The following MICAL2 variants were observed in gnomAD, a reference collection of about 807,000 sequenced individuals.
MICAL2 encodes microtubule associated monooxygenase, calponin and LIM domain containing 2, also known as [F-actin]-monooxygenase MICAL2.
A neutral mutation model predicts 127.3 loss-of-function variants in MICAL2; 77 were observed. The observed-to-expected ratio is 0.60, with a 90% CI of 0.50 to 0.73. MICAL2 has a LOEUF of 0.73. MICAL2 is among the 30% of genes least tolerant of loss of function. MICAL2 has a pLI of 0.00. For missense variants in MICAL2, 1,351 were observed against 1,434.4 expected (o/e 0.94, Z 0.94); for synonymous variants, 570 against 551.1 (o/e 1.03, Z -0.48).
rs1420037870 is a variant in MICAL2, at chr11:12,259,942, A to C, written c.3334+45A>C. The C allele has an allele frequency of 2.5e-6, 4 of 1,597,892 alleles. No individual in the cohort carries two copies. The Admixed American group carries it at 6.9e-5, about 28-fold the overall frequency. Reference sequence around the variant, plus strand: ...TAGGAAGGTGCTGGGCTGGCCCCTCAGGCTGCCGAGGGACCTGTGTAACTG... The same window carrying C: ...TAGGAAGGTGCTGGGCTGGCCCCTCCGGCTGCCGAGGGACCTGTGTAACTG... On this transcript the variant is annotated intron_variant, in intron 26 of 27. Transcript: ENST00000683283.
chr11:12,185,161 ATGAATGGGTGGGTGGC>A (rs1858044068), intron 3 of MICAL2, among the ~76,000 whole-genome samples: 3 of 26,788 alleles, frequency 1.1e-4, no homozygotes, highest in Admixed American at 5.2e-4. Flanking sequence ...GGGTGTGTGG[ATGAATGGGTGGGTGGC>A]TGGATGGATG....
At chr11:12,309,835 A>G (rs929862379) in intron 29 of MICAL2, among the ~76,000 whole-genome samples, 2 of 152,024 alleles carry the variant, frequency 1.3e-5, no homozygotes, top group Non-Finnish European at 2.9e-5. Context: ...CCTTGCCAGC[A>G]TTTTTGATTT....
At chr11:12,198,438 CA>C (rs1174839203) in intron 3 of MICAL2, among the ~76,000 whole-genome samples, 1 of 152,232 alleles carries the variant, frequency 6.6e-6, no homozygotes, top group Non-Finnish European at 1.5e-5. Context: ...CCTCCCCCAA[CA>C]CACACATTCT....
At chr11:12,341,526 T>C (rs758756162) in intron 32 of MICAL2, among the ~76,000 whole-genome samples, 30 of 152,136 alleles carry the variant, frequency 2.0e-4, no homozygotes, top group Non-Finnish European at 3.8e-4. Context: ...TACTACTATC[T>C]ATTCCAAAAA....
chr11:12,226,900 T>C (rs894722189), intron 14 of MICAL2, 125 bp from the exon 15 acceptor site: 15 of 701,238 alleles, frequency 2.1e-5, no homozygotes, highest in Middle Eastern at 2.5e-4. Context: ...GTGATCCACC[T>C]GTCTTGGCCT....
intron 21 of MICAL2, among the ~76,000 whole-genome samples, chr11:12,245,319 G>A (rs1418203246): frequency 6.6e-6 from 1 of 152,200 alleles, no homozygotes; most frequent in African/African-American, 2.4e-5. Flanking sequence ...GCCAGAAGGA[G>A]TGCTGGTCTG....
chr11:12,307,510 G>T (rs1864126564), intron 29 of MICAL2, among the ~76,000 whole-genome samples: 1 of 152,164 alleles, frequency 6.6e-6, no homozygotes, highest in South Asian at 2.1e-4. Context: ...AAGTCACTAA[G>T]AATTCCTCAT....
At chr11:12,154,838 T>A (rs1040799374) in intron 2 of MICAL2, among the ~76,000 whole-genome samples, 2 of 152,210 alleles carry the variant, frequency 1.3e-5, no homozygotes, top group Non-Finnish European at 2.9e-5. Flanking sequence ...TTAATTTACA[T>A]AGCAGCTTCA....
At chr11:12,264,493 G>T (rs1254842679), downstream of MICAL2, among the ~76,000 whole-genome samples, 1 of 152,212 alleles carries the variant, frequency 6.6e-6, no homozygotes, top group East Asian at 1.9e-4. Context: ...CCTGGGCAGT[G>T]CCAAAGTCAT....
At chr11:12,220,815 TG>T (rs1856731202) in intron 9 of MICAL2, among the ~76,000 whole-genome samples, 1 of 152,214 alleles carries the variant, frequency 6.6e-6, no homozygotes, top group African/African-American at 2.4e-5. Context: ...GGCGGCCCTT[TG>T]TGGCCTTTGA....
intron 3 of MICAL2, among the ~76,000 whole-genome samples, chr11:12,188,976 A>C (rs563873186): frequency 6.6e-6 from 1 of 152,310 alleles, no homozygotes; most frequent in South Asian, 2.1e-4. Flanking sequence ...TAGAAAACTA[A>C]ATTCATAATT....
chr11:12,306,417 A>G (rs1235626549), intron 29 of MICAL2, among the ~76,000 whole-genome samples: 1 of 152,216 alleles, frequency 6.6e-6, no homozygotes, highest in African/African-American at 2.4e-5. Context: ...TTTAGGTAGA[A>G]AAACAATTGA....
intron 32 of MICAL2, among the ~76,000 whole-genome samples, chr11:12,346,937 C>T (rs916077114): frequency 1.6e-4 from 25 of 152,304 alleles, no homozygotes; most frequent in South Asian, 2.1e-4. Flanking sequence ...ACACTTCACA[C>T]ATCATTCTCC....
At chr11:12,224,875 G>T in intron 13 of MICAL2, 55 bp downstream of exon 13, 2 of 1,559,386 alleles carry the variant, frequency 1.3e-6, no homozygotes, top group Non-Finnish European at 1.8e-6. Flanking sequence ...AGGCCATTCT[G>T]CTGCATGCAG....
chr11:12,181,999 C>G (rs1378198216), intron 3 of MICAL2, among the ~76,000 whole-genome samples: 2 of 152,190 alleles, frequency 1.3e-5, no homozygotes, highest in East Asian at 3.8e-4. Context: ...ATAGAAATCA[C>G]AAATATTTTC....
intron 7 of MICAL2, among the ~76,000 whole-genome samples, chr11:12,213,661 C>T (rs893644829): frequency 6.6e-6 from 1 of 152,228 alleles, no homozygotes; most frequent in African/African-American, 2.4e-5. Context: ...GTGCTCATTA[C>T]ATGCCAATTC....
chr11:12,280,247 C>T (rs1863758018), intron 1 of MICAL2, among the ~76,000 whole-genome samples: 1 of 152,174 alleles, frequency 6.6e-6, no homozygotes, highest in African/African-American at 2.4e-5. Flanking sequence ...GACCAAGTCC[C>T]TAATGATGAG....
intron 1 of MICAL2, among the ~76,000 whole-genome samples, chr11:12,126,077 C>A (rs1324360552): frequency 6.6e-6 from 1 of 152,324 alleles, no homozygotes; most frequent in East Asian, 1.9e-4. Context: ...TCCTGCAGAG[C>A]CTGGCATAGG....
chr11:12,209,954 T>C (rs1855236314), intron 6 of MICAL2, among the ~76,000 whole-genome samples: 1 of 152,216 alleles, frequency 6.6e-6, no homozygotes, highest in Non-Finnish European at 1.5e-5. Context: ...ATTGAGCACC[T>C]CCTGGTGTGT....
Sources: allele counts gnomAD v4.1 joint callset (sites outside exome capture counted in the v4.1 genomes callset), GRCh38; gene constraint gnomAD v4.1.1; transcripts MANE v1.5; gene names NCBI Gene and HGNC (gene_info 2026-07-23, HGNC 2026-07-21).